The following CYP7B1 variants were observed in gnomAD, a reference collection of about 807,000 sequenced individuals.
The protein encoded by CYP7B1 is cytochrome P450 family 7 subfamily B member 1.
CYP7B1 carries 29 observed loss-of-function variants against 42.7 expected under a neutral mutation model. The observed-to-expected ratio is 0.68, with a 90% CI of 0.51 to 0.93. The LOEUF (loss-of-function observed/expected upper bound fraction) is 0.93, where lower values mean the gene tolerates loss of function less well. Ranked by LOEUF, CYP7B1 falls within the 40% of genes least tolerant of loss-of-function variation. The pLI is 0.00. For missense variants in CYP7B1, 655 were observed against 600.5 expected (o/e 1.09, Z -0.95); for synonymous variants, 235 against 218.2 (o/e 1.08, Z -0.68).
chr8:64,686,168 G>A (rs1246849512), intron 1 of CYP7B1, among the ~76,000 whole-genome samples: 11 of 70,216 alleles, frequency 1.6e-4, no homozygotes, highest in East Asian at 4.0e-4. Context: ...CTGCCCAGCC[G>A]CCCCTACTGG....
intron 1 of CYP7B1, among the ~76,000 whole-genome samples, chr8:64,665,555 G>T (rs1178579484): frequency 4.1e-4 from 39 of 94,680 alleles, no homozygotes; most frequent in Non-Finnish European, 6.1e-4. Context: ...TTTTTTTTTT[G>T]GTGGTTTTTT....
chr8:64,673,513 G>C (rs1188590569), intron 1 of CYP7B1, among the ~76,000 whole-genome samples: 10 of 152,046 alleles, frequency 6.6e-5, no homozygotes, highest in Non-Finnish European at 1.5e-4. Flanking sequence ...CATGTCCTGG[G>C]AGCAAATCTT....
chr8:64,657,107 G>T (rs1197732621), intron 1 of CYP7B1, among the ~76,000 whole-genome samples: 1 of 149,518 alleles, frequency 6.7e-6, no homozygotes, highest in Non-Finnish European at 1.5e-5. Context: ...AATAGTGTGA[G>T]ATCCCTCAGA....
At chr8:64,700,309 T>C (rs1442678868) in intron 1 of CYP7B1, among the ~76,000 whole-genome samples, 1 of 152,112 alleles carries the variant, frequency 6.6e-6, no homozygotes, top group African/African-American at 2.4e-5. Context: ...GGACCATCTA[T>C]GATCCTAGTA....
intron 1 of CYP7B1, among the ~76,000 whole-genome samples, chr8:64,721,457 T>C (rs1355721876): frequency 6.6e-6 from 1 of 152,186 alleles, no homozygotes; most frequent in Non-Finnish European, 1.5e-5. Flanking sequence ...TATATCAATC[T>C]GTAAAAAGCC....
intron 1 of CYP7B1, among the ~76,000 whole-genome samples, chr8:64,669,722 T>C (rs79785159): frequency 8.0e-4 from 104 of 129,848 alleles, no homozygotes; most frequent in East Asian, 2.2e-3. Context: ...AGGTTTTACA[T>C]ACATACACAC....
chr8:64,683,574 T>G (rs1806572437), intron 1 of CYP7B1, among the ~76,000 whole-genome samples: 1 of 152,142 alleles, frequency 6.6e-6, no homozygotes, highest in Admixed American at 6.5e-5. Context: ...TATTTTAAAA[T>G]AACTAAAAAG....
intron 1 of CYP7B1, among the ~76,000 whole-genome samples, chr8:64,735,193 T>A (rs1807468826): frequency 6.6e-6 from 1 of 152,164 alleles, no homozygotes; most frequent in African/African-American, 2.4e-5. Flanking sequence ...AAAATGGATA[T>A]ACAATATTTT....
At position 64,591,001 on chromosome 8, in the gene CYP7B1, T is replaced by C. The variant is rs1014098707; in HGVS notation, c.*5641A>G. On this transcript the variant is annotated 3_prime_UTR_variant, in exon 6 of 6. Transcript: ENST00000310193. ...ATATATGTCATTTTAAAATCAAAGA[T>C]AATATTAAACAATTTCAGAAAATTG... is the stretch of plus-strand genomic sequence containing the variant. Among the ~76,000 whole-genome samples the C allele has an allele frequency of 6.6e-6, 1 of 152,184 alleles. No individual in the cohort carries two copies. Among genetic ancestry groups the C allele is most frequent in the African/African-American group, 2.4e-5 (1 of 41,470 alleles).
At chr8:64,634,745 A>G (rs1243050761) in intron 1 of CYP7B1, among the ~76,000 whole-genome samples, 1 of 152,134 alleles carries the variant, frequency 6.6e-6, no homozygotes, top group Non-Finnish European at 1.5e-5. Context: ...TAAGTCAATT[A>G]AGTGGAGAAT....
chr8:64,686,794 C>T (rs374627392), intron 1 of CYP7B1, among the ~76,000 whole-genome samples: 1 of 70,288 alleles, frequency 1.4e-5, no homozygotes, highest in Admixed American at 1.4e-4. Context: ...AGAAAAATTC[C>T]TCTGCCTTGG....
intron 1 of CYP7B1, among the ~76,000 whole-genome samples, chr8:64,783,843 A>G (rs1804474329): frequency 6.6e-6 from 1 of 152,162 alleles, no homozygotes; most frequent in Non-Finnish European, 1.5e-5. Context: ...CTGAGAGTAA[A>G]CATTTAGAAA....
intron 1 of CYP7B1, among the ~76,000 whole-genome samples, chr8:64,736,657 G>T (rs992821795): frequency 6.6e-6 from 1 of 151,810 alleles, no homozygotes; most frequent in African/African-American, 2.4e-5. Context: ...CACCATGTTG[G>T]TCAGGCTGGT....
downstream of CYP7B1, among the ~76,000 whole-genome samples, chr8:64,586,687 CCTGA>C (rs1238413138): frequency 1.3e-5 from 2 of 152,184 alleles, no homozygotes; most frequent in Non-Finnish European, 2.9e-5. Flanking sequence ...AATGGCAAAA[CCTGA>C]CTATCAGAAA....
At chr8:64,706,829 T>A (rs1807006517) in intron 1 of CYP7B1, among the ~76,000 whole-genome samples, 1 of 151,992 alleles carries the variant, frequency 6.6e-6, no homozygotes, top group African/African-American at 2.4e-5. Flanking sequence ...AATAGTGACA[T>A]TTTATTGGCA....
chr8:64,781,243 C>A (rs1019677994), intron 1 of CYP7B1, among the ~76,000 whole-genome samples: 1 of 152,138 alleles, frequency 6.6e-6, no homozygotes, highest in Non-Finnish European at 1.5e-5. Context: ...ATCTTTTTCA[C>A]CCTTTGAACC....
At chr8:64,674,427 T>C (rs963215726) in intron 1 of CYP7B1, among the ~76,000 whole-genome samples, 3 of 152,128 alleles carry the variant, frequency 2.0e-5, no homozygotes, top group South Asian at 2.1e-4. Context: ...CCTTGTTGGA[T>C]GTGATTTGCC....
intron 1 of CYP7B1, among the ~76,000 whole-genome samples, chr8:64,674,380 G>T: frequency 6.6e-6 from 1 of 152,032 alleles, no homozygotes; most frequent in Non-Finnish European, 1.5e-5. Flanking sequence ...ACTGTAGAGG[G>T]GGATTTCCTT....
At chr8:64,665,776 A>C (rs750533186) in intron 1 of CYP7B1, among the ~76,000 whole-genome samples, 1 of 151,794 alleles carries the variant, frequency 6.6e-6, no homozygotes, top group Non-Finnish European at 1.5e-5. Flanking sequence ...GGGTTTCTCC[A>C]TGTTGGTCCG....
Sources: allele counts gnomAD v4.1 joint callset (sites outside exome capture counted in the v4.1 genomes callset), GRCh38; gene constraint gnomAD v4.1.1; transcripts MANE v1.5; gene names NCBI Gene and HGNC (gene_info 2026-07-23, HGNC 2026-07-21).